Variants in MEF2D observed in about 807,000 individuals in gnomAD.
MEF2D encodes myocyte enhancer factor 2D, also known as myocyte-specific enhancer factor 2D.
A neutral mutation model predicts 59.3 loss-of-function variants in MEF2D; 10 were observed. That is an observed-to-expected ratio of 0.17 (90% CI 0.10 to 0.29). MEF2D has a LOEUF of 0.29. MEF2D is among the 10% of genes least tolerant of loss of function. MEF2D has a pLI of 1.00. For missense variants in MEF2D, 508 were observed against 699.4 expected, an observed-to-expected ratio of 0.73 and a Z score of 3.09; for synonymous variants, 305 against 295.0, an observed-to-expected ratio of 1.03 and a Z score of -0.35.
intron 1 of MEF2D, among the ~76,000 whole-genome samples, chr1:156,497,646 C>A (rs1375593252): frequency 6.6e-6 from 1 of 152,212 alleles, no homozygotes; most frequent in Non-Finnish European, 1.5e-5. Context: ...AAGCAGGGGG[C>A]CTGACTCAAA....
chr1:156,480,603 C>T (rs1166674769), intron 4 of MEF2D: 8 of 1,521,540 alleles, frequency 5.3e-6, no homozygotes, highest in Non-Finnish European at 7.1e-6. Flanking sequence ...GAAGCCACAC[C>T]ATGCACCACA....
At chr1:156,480,492 G>A (rs1041196264) in intron 4 of MEF2D, 41 of 732,298 alleles carry the variant, frequency 5.6e-5, no homozygotes, top group Non-Finnish European at 7.9e-5. Context: ...GCAGGGATGC[G>A]GGTTTATCAT....
At position 156,479,588 on chromosome 1, in the gene MEF2D, G is replaced by A. The variant is rs1317262236; in HGVS notation, c.605C>T (p.Ala202Val). Residue 202 changes from alanine to valine, a missense_variant and splice_region_variant, in exon 5 of 12, where the codon GCG becomes GTG. Physicochemically the swap from Ala to Val is moderately conservative, Grantham distance 64. Around this residue, in one of 2 missense-constraint regions of MEF2D, gnomAD observed 481 missense variants for 584.7 expected, o/e 0.82. Coordinates refer to ENST00000348159, the MANE Select transcript of MEF2D (RefSeq NM_005920.4). ...TACCCACCTGCCAGCCCACTCACCC[G>A]CACTAGCTGGCCGCTGGGGCAGGCC... is the stretch of plus-strand genomic sequence containing the variant. ...SPGLPQRPAS[A>V]GAMLGGDLNS... The A allele has an allele frequency of 7.7e-6, 12 of 1,550,040 alleles. No individual in the cohort carries two copies. The Admixed American group carries it at 9.8e-5, about 13-fold the overall frequency.
At chr1:156,471,534 C>T (rs983535560) in intron 9 of MEF2D, among the ~76,000 whole-genome samples, 1 of 152,224 alleles carries the variant, frequency 6.6e-6, no homozygotes, top group African/African-American at 2.4e-5. Context: ...GACTAGCTCC[C>T]AGCCCTGCAC....
In MEF2D at chr1:156,467,722, C is replaced by G. The variant is rs540563561; in HGVS notation, c.1555-66G>C. On this transcript the variant is annotated intron_variant, in intron 11 of 11. Coordinates refer to ENST00000348159, the MANE Select transcript of MEF2D (RefSeq NM_005920.4). Reference sequence around the variant, plus strand: ...GCCCAGGCTTTGGGTATGCACCCCCCACTCCCCTCTCCCCATAGGGCCAGG... The same window carrying G: ...GCCCAGGCTTTGGGTATGCACCCCCGACTCCCCTCTCCCCATAGGGCCAGG... 1.9e-4 allele frequency: 252 copies of G among 1,341,882 alleles called. 1 individual carries two copies. Among genetic ancestry groups the G allele is most frequent in the South Asian group, 1.8e-3 (80 of 44,468 alleles). The allele number at this position is 1,341,882 out of a possible 1,614,324, so 83.1% of individuals were successfully genotyped here. A position where few individuals can be genotyped will look rare whatever the true frequency, so the allele number is the denominator to read the frequency against.
At chr1:156,491,115 G>C (rs1054087592) in intron 1 of MEF2D, among the ~76,000 whole-genome samples, 1 of 152,208 alleles carries the variant, frequency 6.6e-6, no homozygotes, top group Non-Finnish European at 1.5e-5. Context: ...AGTCCCAGTA[G>C]AGAAGGGATG....
rs1320321870 is a variant in MEF2D at position 156,490,010 on chromosome 1, A to G, written c.-138-6580T>C. On this transcript the variant is annotated intron_variant, in intron 1 of 11. Coordinates refer to ENST00000348159, the MANE Select transcript of MEF2D (RefSeq NM_005920.4). ...TCTGGGAGACAGGGCAGGAAGGTGAAGCCGGTGATGCCCCCAAACACCCAG... is the reference window on the plus strand; with the variant it reads ...TCTGGGAGACAGGGCAGGAAGGTGAGGCCGGTGATGCCCCCAAACACCCAG... 5.3e-5 allele frequency among the ~76,000 whole-genome samples: 8 copies of G among 152,292 alleles called. No individual in the cohort carries two copies. The East Asian group carries it at 1.5e-3, about 29-fold the overall frequency.
At chr1:156,494,143 A>G (rs1672988906) in intron 1 of MEF2D, among the ~76,000 whole-genome samples, 1 of 152,002 alleles carries the variant, frequency 6.6e-6, no homozygotes, top group African/African-American at 2.4e-5. Flanking sequence ...CAATACACAC[A>G]TGCTTTAAAG....
chr1:156,478,285 G>C (rs1245684106), intron 6 of MEF2D, among the ~76,000 whole-genome samples: 1 of 152,188 alleles, frequency 6.6e-6, no homozygotes, highest in African/African-American at 2.4e-5. Context: ...GGGATGCTGA[G>C]GTCCAAGGAT....
chr1:156,479,909 G>C, intron 4 of MEF2D, 113 bp from the exon 5 acceptor site: 3 of 1,042,796 alleles, frequency 2.9e-6, no homozygotes, highest in Non-Finnish European at 4.2e-6. Context: ...ACGCATCCTA[G>C]GGCCAGCAGT....
intron 9 of MEF2D, among the ~76,000 whole-genome samples, chr1:156,469,676 C>A (rs1352992384): frequency 6.6e-6 from 1 of 151,206 alleles, no homozygotes; most frequent in Non-Finnish European, 1.5e-5. Flanking sequence ...ACCACTTGAG[C>A]CCAGAGTTTG....
At position 156,483,326 on chromosome 1, in the gene MEF2D, G is replaced by C; in HGVS notation, c.-34C>G. 6.2e-7 allele frequency: 1 copy of C among 1,604,854 alleles called. No homozygotes were observed. The highest frequency in any genetic ancestry group is 8.5e-7 in the Non-Finnish European group (1 of 1,171,556). On this transcript the variant is annotated 5_prime_UTR_variant, in exon 2 of 12. Coordinates refer to ENST00000348159, the MANE Select transcript of MEF2D (RefSeq NM_005920.4). ...GGGGTCCTCAGTGCTACGGAGGGGA[G>C]GGGCTCGCTGGGTGGTGGGTCTCGG...
rs769975314 is a variant in MEF2D, at chr1:156,480,777, C to G, written c.396+57G>C. 1.9e-6 allele frequency: 3 copies of G among 1,604,590 alleles called. No homozygotes were observed. The Admixed American group carries it at 5.1e-5, about 27-fold the overall frequency. On this transcript the variant is annotated intron_variant, in intron 4 of 11. Transcript: ENST00000348159. ...CATTCCCTGTGCTTCTTGTGCAGCGCCTGGGGGGAAGGGGCCGGAAGGGGG... is the reference window on the plus strand; with the variant it reads ...CATTCCCTGTGCTTCTTGTGCAGCGGCTGGGGGGAAGGGGCCGGAAGGGGG...
In MEF2D at chr1:156,468,187, G is replaced by GAGGCGC; in HGVS notation, c.1354_1359dup (p.Ala452_Pro453dup). On this transcript the variant is annotated inframe_insertion, in exon 11 of 12. Transcript: ENST00000348159. This position sits in a 1 kb window ranked among gnomAD's most constrained non-coding sequence, Gnocchi z 4.3. The stretch of plus-strand genomic sequence containing the variant: ...GCAGCTGGGAACACAGCTGGAGGGG[G>GAGGCGC]AGGCGCAGGGCTGCGCTCACGGCTT... 1 of 1,613,870 alleles carries GAGGCGC rather than the reference G, an allele frequency of 6.2e-7. No individual in the cohort carries two copies.
intron 3 of MEF2D, among the ~76,000 whole-genome samples, chr1:156,481,511 T>A (rs1672016195): frequency 6.6e-6 from 1 of 152,302 alleles, no homozygotes; most frequent in East Asian, 1.9e-4. Flanking sequence ...GGATGAACAC[T>A]GACTGAGTCC....
intron 9 of MEF2D, among the ~76,000 whole-genome samples, chr1:156,471,791 A>G (rs1671249195): frequency 6.6e-6 from 1 of 152,248 alleles, no homozygotes. Flanking sequence ...CAATGTGTTC[A>G]CTGGGGTTTT....
At position 156,482,572 on chromosome 1, in the gene MEF2D, G is replaced by A. The variant is rs756430794; in HGVS notation, c.123C>T (p.Cys41=). Residue 41 remains cysteine, a synonymous_variant, in exon 3 of 12, where the codon TGC becomes TGT. Transcript: ENST00000348159. ...KAYELSVLCD[C]EIALIIFNHS... is the part of the protein sequence containing the mutation. Reference sequence around the variant, plus strand: ...GGTTGAAGATGATGAGTGCGATCTCGCAGTCACATAGCACGCTCAGCTCAT... The same window carrying A: ...GGTTGAAGATGATGAGTGCGATCTCACAGTCACATAGCACGCTCAGCTCAT... The A allele has an allele frequency of 8.7e-6, 14 of 1,614,094 alleles. No individual in the cohort carries two copies. Among genetic ancestry groups the A allele is most frequent in the Admixed American group, 5.0e-5 (3 of 60,006 alleles).
intron 9 of MEF2D, among the ~76,000 whole-genome samples, chr1:156,474,731 G>T (rs1292268724): frequency 5.9e-5 from 9 of 152,066 alleles, no homozygotes; most frequent in Admixed American, 5.9e-4. Context: ...GATCACTTGA[G>T]CCCAGGAGTT....
At chr1:156,469,280 T>A (rs1671073433) in intron 9 of MEF2D, among the ~76,000 whole-genome samples, 1 of 152,162 alleles carries the variant, frequency 6.6e-6, no homozygotes, top group Non-Finnish European at 1.5e-5. Context: ...TTTTTTGAGA[T>A]GGAGTCTCAC....
Sources: gnomAD v4.1 joint callset for allele counts (sites outside exome capture counted in the v4.1 genomes callset) on GRCh38, gnomAD v4.1.1 for gene constraint, gnomAD v4.1.1 regional missense constraint, Gnocchi (gnomAD v3.1) non-coding constraint, MANE v1.5 for transcripts, NCBI Gene and HGNC (gene_info 2026-07-23, HGNC 2026-07-21) for gene names.